PTK2: variants seen among roughly 807,000 people sequenced by gnomAD.
The protein encoded by PTK2 is focal adhesion kinase 1.
A neutral mutation model predicts 150.1 loss-of-function variants in PTK2; 45 were observed. The ratio of observed to expected loss-of-function variants is 0.30; its 90% CI spans 0.24 to 0.38. PTK2 has a LOEUF of 0.38. Among genes scored for constraint, PTK2 ranks in the 10% least tolerant of loss-of-function variants. The pLI, the probability that PTK2 is intolerant of heterozygous loss-of-function variation, is 1.00. For synonymous variants in PTK2, 432 were observed against 449.2 expected, an observed-to-expected ratio of 0.96 and a Z score of 0.48; for missense variants, 919 against 1,307.3, an observed-to-expected ratio of 0.70 and a Z score of 4.58.
chr8:140,664,114 GCTGGGA>G (rs1204738339), intron 31 of PTK2, among the ~76,000 whole-genome samples: 2 of 152,096 alleles, frequency 1.3e-5, no homozygotes, highest in Admixed American at 6.5e-5. Flanking sequence ...CTCCCAAGTA[GCTGGGA>G]CTATAGGCGC....
At chr8:140,999,562 A>G (rs562125794) in intron 1 of PTK2, among the ~76,000 whole-genome samples, 63 of 152,368 alleles carry the variant, frequency 4.1e-4, no homozygotes, top group Non-Finnish European at 7.1e-4. Context: ...ATTGGCTAGT[A>G]TAACTGGATG....
At position 140,850,521 on chromosome 8, in the gene PTK2, C is replaced by T. The variant is rs916639139; in HGVS notation, c.451-3843G>A. 9.5e-5 allele frequency among the ~76,000 whole-genome samples: 14 copies of T among 147,892 alleles called. No individual in the cohort carries two copies. In the East Asian group the frequency reaches 9.9e-4, roughly 11 times the overall value. On this transcript the variant is annotated intron_variant, in intron 5 of 31. Transcript: ENST00000522684. Reference sequence around the variant, plus strand: ...CGGGTAGATCACGAGGTCAGGATATCGAGACCACCCTGGCTAACATAGTGA... The same window carrying T: ...CGGGTAGATCACGAGGTCAGGATATTGAGACCACCCTGGCTAACATAGTGA...
chr8:140,826,432 A>G (rs2100111821), intron 8 of PTK2, among the ~76,000 whole-genome samples: 1 of 152,210 alleles, frequency 6.6e-6, no homozygotes, highest in South Asian at 2.1e-4. Context: ...TAAGCCAAAT[A>G]CACACTATTG....
intron 5 of PTK2, among the ~76,000 whole-genome samples, 157 bp downstream of exon 5, chr8:140,864,155 T>C (rs1393958907): frequency 6.6e-6 from 1 of 152,204 alleles, no homozygotes; most frequent in South Asian, 2.1e-4. Flanking sequence ...ACAAAAAAAT[T>C]AATAATTTCT....
chr8:140,695,821 T>A (rs4961286), intron 26 of PTK2, among the ~76,000 whole-genome samples: 107,917 of 151,966 alleles, frequency 0.71, 40,739 homozygotes, highest in Non-Finnish European at 0.85. Context: ...GCTTGTTATC[T>A]CTCTAGGTCC....
chr8:140,962,705 G>A (rs1160531230), intron 1 of PTK2, among the ~76,000 whole-genome samples: 2 of 151,770 alleles, frequency 1.3e-5, no homozygotes, highest in Non-Finnish European at 2.9e-5. Flanking sequence ...GGCGTGAATC[G>A]GGGAGGCGGA....
At chr8:140,909,358 T>C (rs947457661) in intron 2 of PTK2, among the ~76,000 whole-genome samples, 1 of 152,222 alleles carries the variant, frequency 6.6e-6, no homozygotes, top group African/African-American at 2.4e-5. Context: ...GTACTTTCCA[T>C]GAGTAAGACC....
intron 14 of PTK2, chr8:140,764,517 C>A: frequency 1.9e-6 from 1 of 533,310 alleles, no homozygotes; most frequent in Non-Finnish European, 3.3e-6. Context: ...GGAGAGCAAA[C>A]AGGGCTAACA....
intron 1 of PTK2, among the ~76,000 whole-genome samples, chr8:140,986,806 C>T (rs556100523): frequency 5.5e-4 from 84 of 152,278 alleles, no homozygotes; most frequent in African/African-American, 1.9e-3. Flanking sequence ...CTGGAGGAAG[C>T]GACCCTCATT....
intron 29 of PTK2, among the ~76,000 whole-genome samples, chr8:140,673,514 T>C (rs1273954992): frequency 6.6e-6 from 1 of 152,216 alleles, no homozygotes; most frequent in Non-Finnish European, 1.5e-5. Context: ...AAAAGGTATA[T>C]GACAATTGAG....
At chr8:140,725,778 A>C (rs368497620) in intron 22 of PTK2, among the ~76,000 whole-genome samples, 1 of 152,006 alleles carries the variant, frequency 6.6e-6, no homozygotes, top group Admixed American at 6.6e-5. Context: ...CTCACAGCGG[A>C]AAGAGGCTCT....
chr8:140,858,673 T>A (rs1227166630), intron 5 of PTK2, among the ~76,000 whole-genome samples: 1 of 152,100 alleles, frequency 6.6e-6, no homozygotes, highest in African/African-American at 2.4e-5. Flanking sequence ...CAATACTATT[T>A]TTCAAGCAGG....
chr8:140,701,394 TAGC>T (rs2100030370), intron 25 of PTK2, among the ~76,000 whole-genome samples: 1 of 152,162 alleles, frequency 6.6e-6, no homozygotes, highest in South Asian at 2.1e-4. Flanking sequence ...AGAACATAAA[TAGC>T]AGACAACTAT....
exon 20 of PTK2, chr8:140,743,293 C>T: frequency 1.2e-6 from 2 of 1,613,534 alleles, no homozygotes; most frequent in Non-Finnish European, 8.5e-7. Context: ...TTTACACAAT[C>T]ATTTGAGGAC....
intron 2 of PTK2, among the ~76,000 whole-genome samples, chr8:140,907,133 C>A (rs1254744162): frequency 4.6e-5 from 7 of 152,074 alleles, no homozygotes; most frequent in Admixed American, 3.9e-4. Flanking sequence ...CTGGTCCTAG[C>A]GAAAAAATTT....
chr8:140,669,300 G>GGTGT (rs1200727588), intron 29 of PTK2: 4 of 39,944 alleles, frequency 1.0e-4, no homozygotes, highest in African/African-American at 6.7e-4. Flanking sequence ...AGCATAAAAT[G>GGTGT]GTATATATAT....
At chr8:140,705,763 A>G (rs763025656) in intron 24 of PTK2, among the ~76,000 whole-genome samples, 13 of 152,152 alleles carry the variant, frequency 8.5e-5, no homozygotes, top group Non-Finnish European at 1.6e-4. Context: ...GGGTTCTGTT[A>G]ATTTTGAATT....
At chr8:140,902,897 G>C (rs1430583609) in intron 2 of PTK2, among the ~76,000 whole-genome samples, 2 of 129,708 alleles carry the variant, frequency 1.5e-5, no homozygotes, top group African/African-American at 2.8e-5. Flanking sequence ...CCATTCTGTA[G>C]GTTGCCTGTT....
Position 140,879,654 on chromosome 8 carries a change from AC to A in PTK2, c.196-18del. ...AATGATGCCCTAAAACATACCCCCC[AC>A]AAGAATGACTGTTATAAACTGAAAA... is the stretch of plus-strand genomic sequence containing the variant. On this transcript the variant is annotated intron_variant, in intron 3 of 31. Transcript: ENST00000522684. The A allele has an allele frequency of 1.0e-6, 1 of 966,246 alleles. No individual in the cohort carries two copies. The highest frequency in any genetic ancestry group is 1.5e-6 in the Non-Finnish European group (1 of 688,222). 59.9% of individuals were successfully genotyped at this position (966,246 alleles called of 1,614,324 possible).
Sources: gnomAD v4.1 joint callset for allele counts (sites outside exome capture counted in the v4.1 genomes callset) on GRCh38, gnomAD v4.1.1 for gene constraint, MANE v1.5 for transcripts, NCBI Gene and HGNC (gene_info 2026-07-23, HGNC 2026-07-21) for gene names.